The following MACROD2 variants were observed in gnomAD, a reference collection of about 807,000 sequenced individuals.
MACROD2 encodes mono-ADP ribosylhydrolase 2, also known as ADP-ribose glycohydrolase MACROD2.
A neutral mutation model predicts 70.4 loss-of-function variants in MACROD2; 36 were observed. The observed-to-expected ratio is 0.51, with a 90% CI of 0.39 to 0.68. The LOEUF (loss-of-function observed/expected upper bound fraction) is 0.68, where lower values mean the gene tolerates loss of function less well. Among genes scored for constraint, MACROD2 ranks in the 30% least tolerant of loss-of-function variants. The pLI is 0.00. For synonymous variants in MACROD2, 172 were observed against 178.8 expected (o/e 0.96, Z 0.30); for missense variants, 496 against 538.4 (o/e 0.92, Z 0.78).
intron 5 of MACROD2, among the ~76,000 whole-genome samples, chr20:15,067,002 A>G (rs1402934270): frequency 6.6e-6 from 1 of 152,166 alleles, no homozygotes; most frequent in African/African-American, 2.4e-5. Context: ...AACAAAAAAA[A>G]CACAAAGAAT....
chr20:14,159,656 A>G (rs1255144061), intron 3 of MACROD2, among the ~76,000 whole-genome samples: 2 of 152,162 alleles, frequency 1.3e-5, no homozygotes, highest in South Asian at 2.1e-4. Context: ...ATATAAGATT[A>G]TATCATAGGC....
chr20:14,721,391 T>C (rs796588693), intron 5 of MACROD2, among the ~76,000 whole-genome samples: 92 of 152,196 alleles, frequency 6.0e-4, no homozygotes, highest in African/African-American at 2.1e-3. Flanking sequence ...AGCGAGATAC[T>C]GTCTCAAAAA....
chr20:14,423,662 T>C (rs1455155843), intron 3 of MACROD2, among the ~76,000 whole-genome samples: 1 of 132,690 alleles, frequency 7.5e-6, no homozygotes, highest in Non-Finnish European at 1.6e-5. Context: ...ATCGCCTCAC[T>C]GCACTCCAGC....
At chr20:15,639,802 G>C (rs541497249) in intron 8 of MACROD2, among the ~76,000 whole-genome samples, 6 of 152,102 alleles carry the variant, frequency 3.9e-5, no homozygotes, top group Non-Finnish European at 8.8e-5. Flanking sequence ...AGAAAAGAGA[G>C]TGGGGGGAAA....
chr20:14,971,959 G>T (rs965605099), intron 5 of MACROD2, among the ~76,000 whole-genome samples: 1 of 152,190 alleles, frequency 6.6e-6, no homozygotes, highest in Admixed American at 6.5e-5. Context: ...TAGCTTGCTT[G>T]TCTATGTCTG....
intron 3 of MACROD2, among the ~76,000 whole-genome samples, chr20:14,410,760 T>C (rs1311854943): frequency 1.3e-5 from 2 of 152,216 alleles, no homozygotes; most frequent in Non-Finnish European, 2.9e-5. Flanking sequence ...AACTGTTTAA[T>C]AATAAACACT....
chr20:14,209,804 T>C (rs1462397618), intron 3 of MACROD2, among the ~76,000 whole-genome samples: 1 of 152,194 alleles, frequency 6.6e-6, no homozygotes, highest in African/African-American at 2.4e-5. Flanking sequence ...GAATTCAGTC[T>C]CATAGCCACT....
intron 10 of MACROD2, among the ~76,000 whole-genome samples, chr20:15,911,942 G>A (rs1319999728): frequency 1.3e-5 from 2 of 152,282 alleles, no homozygotes; most frequent in South Asian, 2.1e-4. Context: ...GGAGGCAGAG[G>A]TTGCAGTGAG....
At chr20:15,407,991 C>T (rs751448248) in intron 6 of MACROD2, among the ~76,000 whole-genome samples, 4 of 152,106 alleles carry the variant, frequency 2.6e-5, no homozygotes, top group African/African-American at 9.7e-5. Context: ...CTCCATGCTG[C>T]GAAATCAGCT....
intron 8 of MACROD2, among the ~76,000 whole-genome samples, chr20:15,573,883 C>A (rs138268403): frequency 6.6e-6 from 1 of 152,196 alleles, no homozygotes; most frequent in African/African-American, 2.4e-5. Context: ...ACTCTCCCAC[C>A]TGATTCTTAG....
chr20:14,343,463 A>G (rs2083035599), intron 3 of MACROD2, among the ~76,000 whole-genome samples: 1 of 152,202 alleles, frequency 6.6e-6, no homozygotes, highest in South Asian at 2.1e-4. Flanking sequence ...TCACTACTAA[A>G]TCCGAGAAAG....
At chr20:15,775,010 TGCAGCTTGCAGGGTG>T (rs2051697435) in intron 8 of MACROD2, among the ~76,000 whole-genome samples, 1 of 152,088 alleles carries the variant, frequency 6.6e-6, no homozygotes, top group African/African-American at 2.4e-5. Context: ...CATAAAGGGT[TGCAGCTTGCAGGGTG>T]GCCATTCTGA....
At chr20:15,631,271 C>A (rs898584842) in intron 8 of MACROD2, among the ~76,000 whole-genome samples, 2 of 152,174 alleles carry the variant, frequency 1.3e-5, no homozygotes, top group Non-Finnish European at 2.9e-5. Flanking sequence ...AAAACATGCC[C>A]ATCTGCGTGT....
At chr20:14,224,718 G>T (rs906604214) in intron 3 of MACROD2, among the ~76,000 whole-genome samples, 4 of 152,078 alleles carry the variant, frequency 2.6e-5, no homozygotes, top group Admixed American at 6.5e-5. Flanking sequence ...ATCATGTTTT[G>T]TAGGGAGGAG....
chr20:15,462,447 T>C (rs1308773416), intron 7 of MACROD2, among the ~76,000 whole-genome samples: 1 of 152,192 alleles, frequency 6.6e-6, no homozygotes, highest in Non-Finnish European at 1.5e-5. Context: ...TAATTAAAAG[T>C]GATGAGAACC....
intron 5 of MACROD2, among the ~76,000 whole-genome samples, chr20:14,772,578 C>T (rs1600648873): frequency 6.6e-6 from 1 of 151,994 alleles, no homozygotes; most frequent in South Asian, 2.1e-4. Flanking sequence ...AAAGACCTGC[C>T]CCCGTGATTC....
At chr20:15,031,956 A>G (rs556815960) in intron 5 of MACROD2, among the ~76,000 whole-genome samples, 19 of 152,202 alleles carry the variant, frequency 1.2e-4, no homozygotes, top group Middle Eastern at 3.4e-3. Context: ...CCAGGCCCGC[A>G]CCGAGCTGAC....
intron 5 of MACROD2, among the ~76,000 whole-genome samples, chr20:14,922,118 C>T (rs2074171501): frequency 6.6e-6 from 1 of 152,136 alleles, no homozygotes; most frequent in African/African-American, 2.4e-5. Context: ...ACAAATCTCC[C>T]ATCTTTCCTA....
chr20:15,376,480 A>C (rs573359236), intron 6 of MACROD2, among the ~76,000 whole-genome samples: 1 of 152,314 alleles, frequency 6.6e-6, no homozygotes, highest in South Asian at 2.1e-4. Flanking sequence ...AAGAAATAGT[A>C]ATCAAAACAG....
Sources: allele counts gnomAD v4.1 joint callset (sites outside exome capture counted in the v4.1 genomes callset), GRCh38; gene constraint gnomAD v4.1.1; transcripts MANE v1.5; gene names NCBI Gene and HGNC (gene_info 2026-07-23, HGNC 2026-07-21).